The following DOCK3 variants were observed in gnomAD, a reference collection of about 807,000 sequenced individuals.
DOCK3 encodes dedicator of cytokinesis 3.
In DOCK3, 60 loss-of-function variants were observed where a neutral mutation model predicts 265.6. The observed-to-expected ratio is 0.23, with a 90% CI of 0.18 to 0.28. The LOEUF (loss-of-function observed/expected upper bound fraction) is 0.28. Ranked by LOEUF, DOCK3 falls within the 10% of genes least tolerant of loss-of-function variation. The pLI, the probability that DOCK3 is intolerant of heterozygous loss-of-function variation, is 1.00. For synonymous variants in DOCK3, 881 were observed against 938.0 expected (o/e 0.94, Z 1.11); for missense variants, 1,981 against 2,594.3 (o/e 0.76, Z 5.14).
intron 4 of DOCK3, among the ~76,000 whole-genome samples, chr3:50,904,842 T>A (rs2049395199): frequency 6.6e-6 from 1 of 152,118 alleles, no homozygotes. Context: ...TGCACATGCC[T>A]ATGTCCTAAA....
chr3:51,306,770 C>G (rs113896144), intron 27 of DOCK3, among the ~76,000 whole-genome samples: 1 of 152,104 alleles, frequency 6.6e-6, no homozygotes, highest in Non-Finnish European at 1.5e-5. Flanking sequence ...AATTTCTACC[C>G]TTTTTGTTGG....
chr3:50,790,786 T>C (rs2042430900), intron 2 of DOCK3, among the ~76,000 whole-genome samples: 1 of 152,192 alleles, frequency 6.6e-6, no homozygotes, highest in African/African-American at 2.4e-5. Context: ...ACCTGATGAC[T>C]GTGTGCCTGG....
chr3:50,925,822 G>GTTTTTTTTTTTTTT (rs1434953359), intron 4 of DOCK3, among the ~76,000 whole-genome samples: 2 of 123,290 alleles, frequency 1.6e-5, no homozygotes, highest in African/African-American at 7.3e-5. Context: ...GGTAAAACTA[G>GTTTTTTTTTTTTTT]TCTTTTTTTT....
intron 5 of DOCK3, among the ~76,000 whole-genome samples, chr3:51,029,577 C>T (rs1056224355): frequency 6.6e-6 from 1 of 152,168 alleles, no homozygotes; most frequent in Non-Finnish European, 1.5e-5. Context: ...TTGGTGGAAC[C>T]CCCTGAAGTG....
chr3:50,983,751 G>A (rs889729733), intron 5 of DOCK3, among the ~76,000 whole-genome samples: 10 of 152,100 alleles, frequency 6.6e-5, no homozygotes, highest in Admixed American at 3.9e-4. Context: ...CCCAGGACCC[G>A]CCAAACTGGT....
chr3:51,075,421 T>C lies in DOCK3; in HGVS notation c.530T>C (p.Val177Ala). ...FEVVDSDQIS[V>A]SDLYKMHLSS... ...GTAGTGGACTCGGACCAGATTAGTG[T>C]CTCAGATCTCTATAAGATGGTAAGA... Residue 177 changes from valine to alanine, a missense_variant, in exon 7 of 53, where the codon GTC (valine) becomes GCC (alanine). Val to Ala is a moderately conservative substitution (Grantham distance 64). Around this residue, in one of 4 missense-constraint regions of DOCK3, gnomAD observed 456 missense variants for 539.0 expected, o/e 0.85. Transcript: ENST00000266037. 6.2e-7 allele frequency: 1 copy of C among 1,609,340 alleles called. No homozygotes were observed. The highest frequency in any genetic ancestry group is 1.7e-4 in the Middle Eastern group (1 of 6,052).
chr3:51,345,169 G>T (rs193200331), intron 38 of DOCK3, among the ~76,000 whole-genome samples: 2 of 152,318 alleles, frequency 1.3e-5, no homozygotes, highest in Admixed American at 1.3e-4. Flanking sequence ...AGACCCTGTT[G>T]TGGGTCCATT....
chr3:50,829,258 G>A (rs1446040801), intron 2 of DOCK3, among the ~76,000 whole-genome samples: 1 of 151,984 alleles, frequency 6.6e-6, no homozygotes, highest in East Asian at 1.9e-4. Flanking sequence ...CATTTTAAAG[G>A]TTTCATTTAG....
chr3:51,302,548 G>A (rs2082412743), intron 27 of DOCK3, among the ~76,000 whole-genome samples: 1 of 151,342 alleles, frequency 6.6e-6, no homozygotes, highest in African/African-American at 2.4e-5. Flanking sequence ...TTTTTTTGCA[G>A]TGACTAGTAA....
chr3:50,737,150 GT>G (rs575360007), intron 1 of DOCK3, among the ~76,000 whole-genome samples: 1 of 152,078 alleles, frequency 6.6e-6, no homozygotes, highest in Non-Finnish European at 1.5e-5. Flanking sequence ...CATTCTGTAG[GT>G]TACCTATTCA....
At chr3:51,236,136 C>G (rs1473863345) in intron 19 of DOCK3, among the ~76,000 whole-genome samples, 1 of 152,232 alleles carries the variant, frequency 6.6e-6, no homozygotes, top group Non-Finnish European at 1.5e-5. Flanking sequence ...TCTTGGGGCC[C>G]TTTGGGCTAT....
At chr3:51,227,535 G>A (rs1334087361) in intron 16 of DOCK3, 90 bp downstream of exon 16, 3 of 1,538,068 alleles carry the variant, frequency 2.0e-6, no homozygotes, top group Non-Finnish European at 2.6e-6. Context: ...ATTCTTATTT[G>A]GGCAAGAAAA....
chr3:50,685,994 G>A (rs2034770627), intron 1 of DOCK3, among the ~76,000 whole-genome samples: 1 of 152,108 alleles, frequency 6.6e-6, no homozygotes, highest in Non-Finnish European at 1.5e-5. Flanking sequence ...TTTGTGGAAG[G>A]TAGTTTTTCC....
At position 51,310,245 on chromosome 3, in the gene DOCK3, A is replaced by G; in HGVS notation, c.2936A>G (p.Lys979Arg). The change falls in exon 28 of 53, where the codon AAG (lysine) becomes AGG (arginine). Residue 979 changes from lysine (K) to arginine (R), a missense_variant. Physicochemically the swap from Lys to Arg is conservative, Grantham distance 26 (BLOSUM62 2). Transcript: ENST00000266037. ...CTCTGCTGTCAGGAATTTCTGCTGA[A>G]GATTTTTTGCGTGTTCCGGAACCTG... ...SKDELKEFLL[K>R]IFCVFRNLMK... 1 of 1,601,484 alleles carries G rather than the reference A, an allele frequency of 6.2e-7. No individual in the cohort carries two copies. Among genetic ancestry groups the G allele is most frequent in the Non-Finnish European group, 8.5e-7 (1 of 1,173,752 alleles).
Position 51,361,779 on chromosome 3 carries a change from A to G in DOCK3, c.5007-80A>G. ...GTGGTAGCTGAAACCAGGGATGACT[A>G]TTCCACACATTCCGCTCTACTGTCC... On this transcript the variant is annotated intron_variant, in intron 47 of 52. Coordinates refer to ENST00000266037, the MANE Select transcript of DOCK3 (RefSeq NM_004947.5). This position sits in a 1 kb window ranked among gnomAD's most constrained non-coding sequence, Gnocchi z 4.2. 2.6e-6 allele frequency: 4 copies of G among 1,527,494 alleles called. No homozygotes were observed. The highest frequency in any genetic ancestry group is 1.8e-4 in the Middle Eastern group (1 of 5,692). 94.6% of individuals were successfully genotyped at this position (1,527,494 alleles called of 1,614,324 possible).
At chr3:51,207,895 G>A (rs28708817) in intron 12 of DOCK3, among the ~76,000 whole-genome samples, 124,990 of 152,128 alleles carry the variant, frequency 0.82, 51,939 homozygotes, top group Middle Eastern at 0.9. Flanking sequence ...CTCCCTAAGT[G>A]TCAAATGGAA....
intron 2 of DOCK3, among the ~76,000 whole-genome samples, chr3:50,785,754 A>G (rs922810366): frequency 6.6e-6 from 1 of 152,084 alleles, no homozygotes; most frequent in Non-Finnish European, 1.5e-5. Flanking sequence ...TTCATCAAGG[A>G]TATTGATGTG....
chr3:51,125,079 G>A (rs560256252), intron 9 of DOCK3, among the ~76,000 whole-genome samples: 5 of 151,858 alleles, frequency 3.3e-5, no homozygotes, highest in African/African-American at 9.7e-5. Context: ...CCGAGATCAC[G>A]CCACTGCACT....
intron 2 of DOCK3, among the ~76,000 whole-genome samples, chr3:50,801,466 G>C (rs887406877): frequency 6.6e-6 from 1 of 152,148 alleles, no homozygotes; most frequent in Non-Finnish European, 1.5e-5. Flanking sequence ...GGTGGAGCAG[G>C]TGATTGAAAA....
Sources: allele counts gnomAD v4.1 joint callset (sites outside exome capture counted in the v4.1 genomes callset), GRCh38; gene constraint gnomAD v4.1.1; regional missense constraint gnomAD v4.1.1; non-coding constraint Gnocchi (gnomAD v3.1); transcripts MANE v1.5; gene names NCBI Gene and HGNC (gene_info 2026-07-23, HGNC 2026-07-21).